CSNK1G1: variants seen among roughly 807,000 people sequenced by gnomAD.
CSNK1G1 encodes casein kinase 1 gamma 1.
Under a neutral mutation model 59.6 loss-of-function variants are expected in CSNK1G1, and 22 were observed. The ratio of observed to expected loss-of-function variants is 0.37; its 90% CI spans 0.26 to 0.53. The LOEUF (loss-of-function observed/expected upper bound fraction) is 0.53, where lower values mean the gene tolerates loss of function less well. CSNK1G1 is among the 20% of genes least tolerant of loss of function. CSNK1G1 has a pLI of 0.89. For synonymous variants in CSNK1G1, 179 were observed against 177.1 expected (o/e 1.01, Z -0.08); for missense variants, 384 against 519.5 (o/e 0.74, Z 2.54).
intron 1 of CSNK1G1, among the ~76,000 whole-genome samples, chr15:64,354,331 C>T (rs1898511389): frequency 6.6e-6 from 1 of 152,076 alleles, no homozygotes; most frequent in Admixed American, 6.6e-5. Context: ...AAACAAAAAA[C>T]AAGTACCTTC....
intron 2 of CSNK1G1, among the ~76,000 whole-genome samples, chr15:64,284,718 G>A (rs1021376017): frequency 2.6e-5 from 4 of 151,852 alleles, no homozygotes; most frequent in African/African-American, 9.7e-5. Flanking sequence ...TCTCTTAAAT[G>A]TCTACTAGGG....
chr15:64,237,476 T>C (rs939479295), intron 4 of CSNK1G1, among the ~76,000 whole-genome samples: 15 of 152,164 alleles, frequency 9.9e-5, no homozygotes, highest in Non-Finnish European at 1.9e-4. Context: ...TTCTTCTAAG[T>C]TCCCTAAGCA....
Position 64,283,003 on chromosome 15 carries a change from T to C in CSNK1G1, c.181+17316A>G, listed in dbSNP as rs116256741. ...TATAGTAAGAATGATACAATGGACT[T>C]TGGGCAGAAGGGTGGGAGGGGGACA... On this transcript the variant is annotated intron_variant, in intron 2 of 11. Coordinates refer to ENST00000303052, the MANE Select transcript of CSNK1G1 (RefSeq NM_022048.5). Among the ~76,000 whole-genome samples the C allele has an allele frequency of 2.4e-3, 362 of 152,234 alleles. 2 individuals are homozygous for C. The highest frequency in any genetic ancestry group is 8.3e-3 in the African/African-American group (345 of 41,528).
At chr15:64,252,978 C>A (rs2140320772) in intron 3 of CSNK1G1, among the ~76,000 whole-genome samples, 1 of 152,254 alleles carries the variant, frequency 6.6e-6, no homozygotes, top group African/African-American at 2.4e-5. Flanking sequence ...GAGGCTGAGG[C>A]AGGAGGATCA....
chr15:64,280,374 T>C (rs1343019397), intron 2 of CSNK1G1, among the ~76,000 whole-genome samples: 1 of 151,468 alleles, frequency 6.6e-6, no homozygotes, highest in Non-Finnish European at 1.5e-5. Flanking sequence ...GTCATTCCAC[T>C]CAGACTTACC....
intron 2 of CSNK1G1, chr15:64,265,796 T>G (rs778076913): frequency 4.4e-6 from 2 of 456,214 alleles, no homozygotes; most frequent in Admixed American, 2.4e-5. Context: ...TGGAAGAAAA[T>G]TGGCCAGTCA....
intron 2 of CSNK1G1, among the ~76,000 whole-genome samples, chr15:64,296,211 C>T (rs1895013585): frequency 6.6e-6 from 1 of 152,198 alleles, no homozygotes; most frequent in African/African-American, 2.4e-5. Context: ...GCATCAGGCT[C>T]CCAGGCTCAA....
chr15:64,311,547 GGAGGCTGTGGTGA>G (rs1191604382), intron 1 of CSNK1G1, among the ~76,000 whole-genome samples: 16 of 152,252 alleles, frequency 1.1e-4, no homozygotes, highest in Non-Finnish European at 1.5e-5. Context: ...CAGATACTTA[GGAGGCTGTGGTGA>G]GAGGCTCACT....
At chr15:64,346,076 C>G (rs149009265) in intron 1 of CSNK1G1, among the ~76,000 whole-genome samples, 1 of 139,880 alleles carries the variant, frequency 7.1e-6, no homozygotes, top group South Asian at 2.2e-4. Flanking sequence ...CCACTGCACC[C>G]GGCAGAAAAA....
At chr15:64,209,481 G>T (rs1373130652) in intron 6 of CSNK1G1, among the ~76,000 whole-genome samples, 1 of 152,120 alleles carries the variant, frequency 6.6e-6, no homozygotes, top group African/African-American at 2.4e-5. Context: ...GATGGAGGTT[G>T]TAAAAAGATG....
intron 1 of CSNK1G1, among the ~76,000 whole-genome samples, chr15:64,335,138 G>A (rs903864677): frequency 6.6e-6 from 1 of 152,176 alleles, no homozygotes; most frequent in African/African-American, 2.4e-5. Context: ...TGTGAGAAGG[G>A]TAGCCTAATA....
chr15:64,246,936 T>G (rs897296747), intron 4 of CSNK1G1, among the ~76,000 whole-genome samples: 2 of 152,130 alleles, frequency 1.3e-5, no homozygotes, highest in African/African-American at 4.8e-5. Context: ...AGCTGCATGC[T>G]TGGTTCTGGC....
chr15:64,239,604 C>T (rs564424917), intron 4 of CSNK1G1, among the ~76,000 whole-genome samples: 103 of 152,154 alleles, frequency 6.8e-4, no homozygotes, highest in Non-Finnish European at 1.3e-3. Context: ...ATCTCAAACT[C>T]CTGAGCTCCA....
At chr15:64,191,718 G>C (rs1384886155) in intron 10 of CSNK1G1, among the ~76,000 whole-genome samples, 3 of 152,122 alleles carry the variant, frequency 2.0e-5, no homozygotes, top group African/African-American at 7.2e-5. Context: ...ACTCTAGATT[G>C]CTTCATAAAT....
chr15:64,199,725 C>T (rs947013127), intron 10 of CSNK1G1, among the ~76,000 whole-genome samples: 8 of 151,816 alleles, frequency 5.3e-5, no homozygotes, highest in African/African-American at 9.7e-5. Flanking sequence ...TGGTGGCGTG[C>T]GCCTGCAGTC....
At chr15:64,305,911 G>C (rs949613717) in intron 1 of CSNK1G1, among the ~76,000 whole-genome samples, 4 of 151,942 alleles carry the variant, frequency 2.6e-5, no homozygotes, top group Admixed American at 1.3e-4. Flanking sequence ...TTAACAAATG[G>C]TGCTAGAACA....
chr15:64,241,605 C>T (rs1010454996), intron 4 of CSNK1G1, among the ~76,000 whole-genome samples: 1 of 152,098 alleles, frequency 6.6e-6, no homozygotes, highest in Admixed American at 6.6e-5. Flanking sequence ...TAACAAATAT[C>T]TTTTCTGACC....
chr15:64,233,739 TC>T (rs1375173016), intron 4 of CSNK1G1, among the ~76,000 whole-genome samples: 1 of 152,142 alleles, frequency 6.6e-6, no homozygotes, highest in Non-Finnish European at 1.5e-5. Flanking sequence ...AAGGCTGAGG[TC>T]CTGATATTTC....
intron 4 of CSNK1G1, among the ~76,000 whole-genome samples, chr15:64,239,803 G>C (rs2082670089): frequency 6.6e-6 from 1 of 152,076 alleles, no homozygotes; most frequent in South Asian, 2.1e-4. Context: ...ATATAGAAAA[G>C]AACCAAACAG....
Sources: allele counts gnomAD v4.1 joint callset (sites outside exome capture counted in the v4.1 genomes callset), GRCh38; gene constraint gnomAD v4.1.1; transcripts MANE v1.5; gene names NCBI Gene and HGNC (gene_info 2026-07-23, HGNC 2026-07-21).